Variants in COX11 observed in about 807,000 individuals in gnomAD.
The protein encoded by COX11 is cytochrome c oxidase copper chaperone COX11.
A neutral mutation model predicts 29.4 loss-of-function variants in COX11; 18 were observed. The observed-to-expected ratio is 0.61, with a 90% CI of 0.42 to 0.91. COX11 has a LOEUF of 0.91. COX11 is among the 40% of genes least tolerant of loss of function. The pLI, the probability that COX11 is intolerant of heterozygous loss-of-function variation, is 0.00. For synonymous variants in COX11, 131 were observed against 124.0 expected, an observed-to-expected ratio of 1.06 and a Z score of -0.38; for missense variants, 312 against 346.0, an observed-to-expected ratio of 0.90 and a Z score of 0.78.
chr17:54,965,375 G>A (rs554051780), intron 1 of COX11, among the ~76,000 whole-genome samples: 1 of 152,266 alleles, frequency 6.6e-6, no homozygotes, highest in South Asian at 2.1e-4. Context: ...AGGTATCACA[G>A]GTATTTTCCC....
exon 1 of COX11, chr17:54,953,660 C>G (rs2049346730): frequency 6.6e-6 from 1 of 152,348 alleles, no homozygotes; most frequent in Admixed American, 6.5e-5. Flanking sequence ...TGGTCACTCA[C>G]CCATGCCATC....
intron 1 of COX11, 95 bp from the exon 2 acceptor site, chr17:54,964,947 C>A: frequency 1.7e-6 from 2 of 1,207,030 alleles, no homozygotes; most frequent in Non-Finnish European, 2.3e-6. Context: ...TATTTATAAT[C>A]CATTTGGAGC....
Position 54,961,637 on chromosome 17 carries a change from T to C in COX11, c.*1096A>G, listed in dbSNP as rs2077127405. 9.0e-7 allele frequency: 1 copy of C among 1,106,760 alleles called. No homozygotes were observed. Among genetic ancestry groups the C allele is most frequent in the Non-Finnish European group, 1.1e-6 (1 of 907,036 alleles). The allele number at this position is 1,106,760 out of a possible 1,614,324, so 68.6% of individuals were successfully genotyped here. ...AAAGCATAAAATGTGAGAAACTGAA[T>C]GTATTATTCAGGAAGAATACTGAGT... On this transcript the variant is annotated 3_prime_UTR_variant, in exon 4 of 4. Coordinates refer to ENST00000299335, the MANE Select transcript of COX11 (RefSeq NM_004375.5).
chr17:54,966,942 A>G (rs2077228874), intron 1 of COX11, among the ~76,000 whole-genome samples: 1 of 152,130 alleles, frequency 6.6e-6, no homozygotes, highest in African/African-American at 2.4e-5. Context: ...TTGGGAGGCC[A>G]AGGCAGGAGG....
At chr17:54,957,650 T>C (rs2076978604), downstream of COX11, 1 of 152,190 alleles carries the variant, frequency 6.6e-6, no homozygotes, top group Non-Finnish European at 1.5e-5. Flanking sequence ...GGGACTTCCC[T>C]CCAAGGAAAA....
intron 1 of COX11, among the ~76,000 whole-genome samples, chr17:54,965,136 T>C (rs902089669): frequency 6.6e-6 from 1 of 152,222 alleles, no homozygotes. Flanking sequence ...TCAACTATTA[T>C]CACTGATAGT....
rs2077119315 is a variant in COX11, at chr17:54,961,315, G to T, written c.*1418C>A. 6.4e-7 allele frequency: 1 copy of T among 1,551,554 alleles called. No homozygotes were observed. ...TAGACTCTGTGCAGCTTTGAAGCCT[G>T]GAAGACAATACCTACCAACATGTCA... On this transcript the variant is annotated 3_prime_UTR_variant, in exon 4 of 4. Coordinates refer to ENST00000299335, the MANE Select transcript of COX11 (RefSeq NM_004375.5).
chr17:54,956,361 TG>T (rs1211172720), downstream of COX11, among the ~76,000 whole-genome samples: 3 of 151,956 alleles, frequency 2.0e-5, no homozygotes, highest in African/African-American at 7.3e-5. Context: ...TGGAGTATAG[TG>T]GGGGTGATCT....
chr17:54,963,418 T>A lies in COX11; in HGVS notation c.536A>T (p.Glu179Val). Residue 179 changes from glutamate to valine, a missense_variant, in exon 3 of 4, where the codon GAG becomes GTG. By Grantham distance (121) the Glu-to-Val change is moderately radical. This residue lies in a region of COX11 where 182 missense variants were observed against 240.0 expected (regional missense o/e 0.76). Coordinates refer to ENST00000299335, the MANE Select transcript of COX11 (RefSeq NM_004375.5). ...QQTEIYVVPG[E>V]TALAFYRAKN... Reference sequence around the variant, plus strand: ...AGCTCTGTAAAACGCCAGTGCAGTCTCTCCTGGCACCACCTGTTTTAAAGA... The same window carrying A: ...AGCTCTGTAAAACGCCAGTGCAGTCACTCCTGGCACCACCTGTTTTAAAGA... 1 of 1,610,034 alleles carries A rather than the reference T, an allele frequency of 6.2e-7. No individual in the cohort carries two copies. The highest frequency in any genetic ancestry group is 2.2e-5 in the East Asian group (1 of 44,784).
chr17:54,962,577 T>C lies in COX11; in HGVS notation c.*156A>G. ...AGTTTCTTATGATAAAAGCTGAACT[T>C]GTTCTCTCAAGTTTAAGTGAAAAAA... On this transcript the variant is annotated 3_prime_UTR_variant, in exon 4 of 4. Transcript: ENST00000299335. 1 of 1,346,700 alleles carries C rather than the reference T, an allele frequency of 7.4e-7. No individual in the cohort carries two copies. The highest frequency in any genetic ancestry group is 9.5e-7 in the Non-Finnish European group (1 of 1,051,300). 83.4% of individuals were successfully genotyped at this position (1,346,700 alleles called of 1,614,324 possible).
Position 54,961,257 on chromosome 17 carries a change from C to CA in COX11, c.*1475_*1476insT. The CA allele has an allele frequency of 6.5e-7, 1 of 1,550,300 alleles. No individual in the cohort carries two copies. Among genetic ancestry groups the CA allele is most frequent in the Non-Finnish European group, 8.7e-7 (1 of 1,145,760 alleles). On this transcript the variant is annotated 3_prime_UTR_variant, in exon 4 of 4. Transcript: ENST00000299335. ...TAGAAGAAAGTGGATGATCAGCTCA[C>CA]TACCACATCAAAGGTGCCAACTCTC...
chr17:54,963,142 G>T, intron 3 of COX11, 164 bp downstream of exon 3: 1 of 848,996 alleles, frequency 1.2e-6, no homozygotes, highest in Non-Finnish European at 1.8e-6. Flanking sequence ...ATTTGGTTTG[G>T]TTCTCAATCT....
In COX11 at chr17:54,968,426, G is replaced by C; in HGVS notation, c.221C>G (p.Pro74Arg). Residue 74 changes from proline (P) to arginine (R), a missense_variant, in exon 1 of 4, where the codon CCT becomes CGT. Coordinates refer to ENST00000299335, the MANE Select transcript of COX11 (RefSeq NM_004375.5). ...RHPALQPPRRPKSSNPFTRAQ... is the reference protein window; with the variant it reads ...RHPALQPPRRRKSSNPFTRAQ... ...GCGTGTGAAAGGGTTCGAGCTCTTAGGCCGCCGCGGCGGCTGCAATGCTGG... is the reference window on the plus strand; with the variant it reads ...GCGTGTGAAAGGGTTCGAGCTCTTACGCCGCCGCGGCGGCTGCAATGCTGG... The C allele has an allele frequency of 6.2e-7, 1 of 1,613,442 alleles. No homozygotes were observed. Among genetic ancestry groups the C allele is most frequent in the Non-Finnish European group, 8.5e-7 (1 of 1,180,000 alleles).
At chr17:54,955,747 T>G (rs546467057), downstream of COX11, among the ~76,000 whole-genome samples, 1 of 152,322 alleles carries the variant, frequency 6.6e-6, no homozygotes, top group East Asian at 1.9e-4. Flanking sequence ...TCCCTTGACC[T>G]AGGTCCTAAT....
At chr17:54,958,998 T>C (rs2077036632), downstream of COX11, among the ~76,000 whole-genome samples, 1 of 151,978 alleles carries the variant, frequency 6.6e-6, no homozygotes, top group South Asian at 2.1e-4. Context: ...GAAGATAAAC[T>C]TGAAGATTTA....
rs1241087165 is a variant in COX11 at position 54,962,908 on chromosome 17, CAG to C, written c.654_655del (p.Phe218LeufsTer3). The C allele has an allele frequency of 6.2e-7, 1 of 1,608,058 alleles. No individual in the cohort carries two copies. The highest frequency in any genetic ancestry group is 1.3e-5 in the African/African-American group (1 of 74,628). ...GGGATTAAGCCTTTGTTCTTCAAAA[CAG>C]AAGCACTGGAAATTATAGAAAGATT... On this transcript the variant is annotated frameshift_variant, in exon 4 of 4. Transcript: ENST00000299335. LOFTEE classifies it high-confidence loss of function.
chr17:54,959,263 G>T (rs893197457), downstream of COX11: 4 of 152,142 alleles, frequency 2.6e-5, no homozygotes, highest in African/African-American at 9.7e-5. Flanking sequence ...CTGTATATAT[G>T]AATGTTGTGC....
At chr17:54,968,749 G>A, upstream of COX11, 2 of 1,363,182 alleles carry the variant, frequency 1.5e-6, no homozygotes, top group African/African-American at 1.4e-5. Flanking sequence ...CCGCTGCCTT[G>A]GCTACCAGGC....
chr17:54,961,573 G>A lies in COX11; in HGVS notation c.*1160C>T. The A allele has an allele frequency of 7.8e-7, 1 of 1,289,700 alleles. No homozygotes were observed. Among genetic ancestry groups the A allele is most frequent in the South Asian group, 2.1e-5 (1 of 47,312 alleles). 79.9% of individuals were successfully genotyped at this position (1,289,700 alleles called of 1,614,324 possible). A position where few individuals can be genotyped will look rare whatever the true frequency, so the allele number is the denominator to read the frequency against. On this transcript the variant is annotated 3_prime_UTR_variant, in exon 4 of 4. Coordinates refer to ENST00000299335, the MANE Select transcript of COX11 (RefSeq NM_004375.5). ...AGAAATCGTCACACAGCTGTGATAA[G>A]AGTAGATTATTTTACTATGAAATAA...
Sources: allele counts gnomAD v4.1 joint callset (sites outside exome capture counted in the v4.1 genomes callset), GRCh38; gene constraint gnomAD v4.1.1; regional missense constraint gnomAD v4.1.1; transcripts MANE v1.5; gene names NCBI Gene and HGNC (gene_info 2026-07-23, HGNC 2026-07-21).